The following WIPF3 variants were observed in gnomAD, a reference collection of about 807,000 sequenced individuals.
WIPF3 encodes the protein WAS/WASL interacting protein family member 3, also known as WAS/WASL-interacting protein family member 3.
Under a neutral mutation model 38.9 loss-of-function variants are expected in WIPF3, and 33 were observed. The observed-to-expected ratio is 0.85, with a 90% CI of 0.64 to 1.14. The LOEUF (loss-of-function observed/expected upper bound fraction) is 1.14, where lower values mean the gene tolerates loss of function less well. WIPF3 is among the 50% of genes most tolerant of loss of function. WIPF3 has a pLI of 0.00. For synonymous variants in WIPF3, 324 were observed against 269.3 expected (o/e 1.20, Z -1.99); for missense variants, 711 against 652.5 (o/e 1.09, Z -0.98).
In WIPF3 at chr7:29,888,228, T is replaced by G; in HGVS notation, c.1249+11T>G. The G allele has an allele frequency of 1.2e-6, 2 of 1,600,208 alleles. No homozygotes were observed. Among genetic ancestry groups the G allele is most frequent in the Non-Finnish European group, 1.7e-6 (2 of 1,173,324 alleles). On this transcript the variant is annotated intron_variant, in intron 6 of 8. Coordinates refer to ENST00000242140, the MANE Select transcript of WIPF3 (RefSeq NM_001080529.3). ...GCCTGCACATCATTGGTAAGTGGGT[T>G]GCACCCTCTGCCGGTTTGGCTGCCA...
At chr7:29,910,892 A>G (rs1249575559) in intron 8 of WIPF3, among the ~76,000 whole-genome samples, 1 of 152,212 alleles carries the variant, frequency 6.6e-6, no homozygotes, top group Non-Finnish European at 1.5e-5. Context: ...CTTCTATTCA[A>G]CATAGTACTG....
At position 29,844,537 on chromosome 7, in the gene WIPF3, G is replaced by A. The variant is rs1319723257; in HGVS notation, c.90+9723G>A. Among the ~76,000 whole-genome samples the A allele has an allele frequency of 1.3e-5, 2 of 152,210 alleles. No individual in the cohort carries two copies. The highest frequency in any genetic ancestry group is 2.9e-5 in the Non-Finnish European group (2 of 68,042). ...CAGAAAGTTTACTTACGTGCCCAGT[G>A]TCACACAGCCAGTCATGGGTAGAGG... On this transcript the variant is annotated intron_variant, in intron 2 of 8. Transcript: ENST00000242140. The surrounding 1 kb of genome is among the most constrained non-coding windows in gnomAD (Gnocchi z 4.8).
chr7:29,808,690 AGTGTGTGTGTGTGT>A (rs59634993), intron 1 of WIPF3, among the ~76,000 whole-genome samples: 2 of 150,474 alleles, frequency 1.3e-5, no homozygotes, highest in Admixed American at 6.6e-5. Flanking sequence ...GAATGGAGGA[AGTGTGTGTGTGTGT>A]GTGTGTGTGT....
intron 6 of WIPF3, 28 bp downstream of exon 6, chr7:29,888,245 T>C: frequency 6.3e-7 from 1 of 1,583,384 alleles, no homozygotes; most frequent in Non-Finnish European, 8.6e-7. Flanking sequence ...TCTGCCGGTT[T>C]GGCTGCCAGT....
At chr7:29,913,281 G>T (rs911953560) in intron 8 of WIPF3, among the ~76,000 whole-genome samples, 3 of 151,052 alleles carry the variant, frequency 2.0e-5, no homozygotes, top group African/African-American at 4.9e-5. Context: ...GTGGACGGAG[G>T]TTGCGGTGAG....
At chr7:29,828,727 T>C (rs1562771937) in intron 1 of WIPF3, among the ~76,000 whole-genome samples, 1 of 152,118 alleles carries the variant, frequency 6.6e-6, no homozygotes. Context: ...TCACCTGTTA[T>C]TTAGCCCACC....
chr7:29,884,203 C>A lies in WIPF3; in HGVS notation c.709C>A (p.Leu237Met). The change falls in exon 5 of 9, where the codon CTG (leucine) becomes ATG (methionine). Residue 237 changes from leucine (L) to methionine (M), a missense_variant. Coordinates refer to ENST00000242140, the MANE Select transcript of WIPF3 (RefSeq NM_001080529.3). ...GCCACCTCCCCCAACGCCACCCCCG[C>A]TGCCCCCGGCCTCGGTTCTTAGTGA... ...PPPPPPTPPP[L>M]PPASVLSDKA... 2 of 1,526,240 alleles carry A rather than the reference C, an allele frequency of 1.3e-6. No homozygotes were observed. Among genetic ancestry groups the A allele is most frequent in the Non-Finnish European group, 1.8e-6 (2 of 1,133,910 alleles). The allele number at this position is 1,526,240 out of a possible 1,614,324, so 94.5% of individuals were successfully genotyped here. A position where few individuals can be genotyped will look rare whatever the true frequency, so the allele number is the denominator to read the frequency against.
intron 1 of WIPF3, among the ~76,000 whole-genome samples, chr7:29,828,167 G>T (rs76797415): frequency 1.3e-5 from 2 of 152,122 alleles, no homozygotes; most frequent in African/African-American, 4.8e-5. Context: ...CACACTTTCT[G>T]TGTGTGAACA....
At chr7:29,886,773 T>A (rs1017223983) in intron 5 of WIPF3, among the ~76,000 whole-genome samples, 2 of 152,216 alleles carry the variant, frequency 1.3e-5, no homozygotes, top group African/African-American at 4.8e-5. Flanking sequence ...GAATTTTTTT[T>A]ATTTGACAAA....
At chr7:29,876,438 G>C (rs1216658437) in intron 3 of WIPF3, among the ~76,000 whole-genome samples, 1 of 152,108 alleles carries the variant, frequency 6.6e-6, no homozygotes, top group Admixed American at 6.5e-5. Flanking sequence ...TGTCTCTCTG[G>C]ATTTGCCTAT....
rs376006007 is a variant in WIPF3 at position 29,875,952 on chromosome 7, G to A, written c.213G>A (p.Pro71=). The A allele has an allele frequency of 8.7e-5, 140 of 1,613,570 alleles. No individual in the cohort carries two copies. The highest frequency in any genetic ancestry group is 1.1e-4 in the Non-Finnish European group (131 of 1,179,784). ...CGCAGATCAACGACCGCAGTGCCCC[G>A]CAGATCGAGAGTAAGTGAGCAGCCG... ...KVTQINDRSA[P]QIESSKGTNK... The change falls in exon 3 of 9, where the codon CCG becomes CCA. Residue 71 remains proline, a synonymous_variant. Coordinates refer to ENST00000242140, the MANE Select transcript of WIPF3 (RefSeq NM_001080529.3).
intron 2 of WIPF3, among the ~76,000 whole-genome samples, chr7:29,875,358 G>T (rs1404297569): frequency 6.6e-6 from 1 of 152,128 alleles, no homozygotes; most frequent in Non-Finnish European, 1.5e-5. Context: ...CAAGACTTCG[G>T]TCTTGCTCAG....
intron 3 of WIPF3, among the ~76,000 whole-genome samples, chr7:29,877,472 A>G (rs984897978): frequency 1.3e-5 from 2 of 152,206 alleles, no homozygotes; most frequent in African/African-American, 4.8e-5. Flanking sequence ...TTCTGGTGAT[A>G]CTACTGTGTT....
intron 7 of WIPF3, among the ~76,000 whole-genome samples, chr7:29,896,520 G>A (rs550475157): frequency 1.3e-5 from 2 of 152,298 alleles, no homozygotes; most frequent in African/African-American, 2.4e-5. Context: ...GGAGGCTGAG[G>A]TGGGAGGATT....
chr7:29,874,340 T>C (rs926126110), intron 2 of WIPF3, among the ~76,000 whole-genome samples: 9 of 152,144 alleles, frequency 5.9e-5, no homozygotes, highest in Admixed American at 5.9e-4. Flanking sequence ...TTTTTCCTGA[T>C]GTGGAGTCCT....
intron 1 of WIPF3, among the ~76,000 whole-genome samples, chr7:29,826,895 A>G (rs1784624140): frequency 1.3e-5 from 2 of 152,006 alleles, no homozygotes; most frequent in African/African-American, 4.8e-5. Flanking sequence ...TTGAGTACCA[A>G]CTCCTCCACT....
At chr7:29,896,588 C>T in intron 7 of WIPF3, among the ~76,000 whole-genome samples, 1 of 149,168 alleles carries the variant, frequency 6.7e-6, no homozygotes, top group East Asian at 2.0e-4. Flanking sequence ...TGCACTCTAG[C>T]CTGGGTGCCA....
At chr7:29,860,899 G>A (rs1785263272) in intron 2 of WIPF3, among the ~76,000 whole-genome samples, 1 of 152,112 alleles carries the variant, frequency 6.6e-6, no homozygotes. Flanking sequence ...AGTAAGAGAT[G>A]CATAGGAGTG....
intron 2 of WIPF3, among the ~76,000 whole-genome samples, chr7:29,843,421 T>A (rs1177345304): frequency 6.6e-6 from 1 of 152,164 alleles, no homozygotes; most frequent in Non-Finnish European, 1.5e-5. Context: ...TAAGGGCCTT[T>A]GTTGAGTTTC....
Sources: gnomAD v4.1 joint callset for allele counts (sites outside exome capture counted in the v4.1 genomes callset) on GRCh38, gnomAD v4.1.1 for gene constraint, Gnocchi (gnomAD v3.1) non-coding constraint, MANE v1.5 for transcripts, NCBI Gene and HGNC (gene_info 2026-07-23, HGNC 2026-07-21) for gene names.